PPARA: variants seen among roughly 807,000 people sequenced by gnomAD.
PPARA encodes the protein peroxisome proliferator-activated receptor alpha.
PPARA carries 22 observed loss-of-function variants against 42.2 expected under a neutral mutation model. That is an observed-to-expected ratio of 0.52 (90% CI 0.37 to 0.74). PPARA has a LOEUF of 0.74. Ranked by LOEUF, PPARA falls within the 30% of genes least tolerant of loss-of-function variation. PPARA has a pLI of 0.00. For missense variants in PPARA, 465 were observed against 608.2 expected (o/e 0.76, Z 2.48); for synonymous variants, 242 against 239.3 (o/e 1.01, Z -0.10).
intron 3 of PPARA, among the ~76,000 whole-genome samples, chr22:46,181,777 A>G (rs756995418): frequency 3.3e-5 from 5 of 152,190 alleles, no homozygotes; most frequent in Non-Finnish European, 1.5e-5. Flanking sequence ...CAGTCTAGAC[A>G]TGCCCCAAAT....
At chr22:46,169,797 A>G (rs1927704024) in intron 2 of PPARA, among the ~76,000 whole-genome samples, 1 of 152,054 alleles carries the variant, frequency 6.6e-6, no homozygotes. Flanking sequence ...TACTATGTTC[A>G]TGGAAGGGAC....
In PPARA at chr22:46,216,396, A is replaced by AGG. The variant is rs1291947654; in HGVS notation, c.369+1063_369+1064insGG. ...AAAACTTCATCTCAAAAAAAAAAAAAAGAGAGAAAAGAAAATAAGCCACAT... is the reference window on the plus strand; with the variant it reads ...AAAACTTCATCTCAAAAAAAAAAAAAGGAGAGAGAAAAGAAAATAAGCCACAT... On this transcript the variant is annotated intron_variant, in intron 5 of 8. Coordinates refer to ENST00000407236, the MANE Select transcript of PPARA (RefSeq NM_005036.6). This position sits in a 1 kb window ranked among gnomAD's most constrained non-coding sequence, Gnocchi z 4.5. Among the ~76,000 whole-genome samples, 4 of 151,692 alleles carry AGG rather than the reference A, an allele frequency of 2.6e-5. No individual in the cohort carries two copies. Among genetic ancestry groups the AGG allele is most frequent in the African/African-American group, 9.7e-5 (4 of 41,196 alleles).
chr22:46,175,579 T>G (rs1404429982), intron 2 of PPARA, among the ~76,000 whole-genome samples: 3 of 152,038 alleles, frequency 2.0e-5, no homozygotes, highest in African/African-American at 7.2e-5. Flanking sequence ...CCAAGCGTGG[T>G]GGCGGGCGCC....
In PPARA at chr22:46,242,346, A is replaced by G. The variant is rs1250415494; in HGVS notation, c.*6966A>G. On this transcript the variant is annotated 3_prime_UTR_variant, in exon 9 of 9. Coordinates refer to ENST00000407236, the MANE Select transcript of PPARA (RefSeq NM_005036.6). This position sits in a 1 kb window ranked among gnomAD's most constrained non-coding sequence, Gnocchi z 6.1. The stretch of plus-strand genomic sequence containing the variant: ...AGTGACTGGCCGATCATTTCACAAT[A>G]AAATCACTCACTTTTGGCAACTTCA... The G allele has an allele frequency of 6.6e-6, 1 of 152,646 alleles. No individual in the cohort carries two copies. Among genetic ancestry groups the G allele is most frequent in the East Asian group, 1.9e-4 (1 of 5,190 alleles). 9.5% of individuals were successfully genotyped at this position (152,646 alleles called of 1,614,324 possible).
In PPARA at chr22:46,163,748, G is replaced by T. The variant is rs1033557042; in HGVS notation, c.-127+11778G>T. 3 of 152,244 alleles carry T rather than the reference G, an allele frequency of 2.0e-5. No individual in the cohort carries two copies. Among genetic ancestry groups the T allele is most frequent in the African/African-American group, 7.2e-5 (3 of 41,452 alleles). The allele number at this position is 152,244 out of a possible 1,614,324, so 9.4% of individuals were successfully genotyped here. On this transcript the variant is annotated intron_variant, in intron 2 of 8. Transcript: ENST00000407236. This position sits in a 1 kb window ranked among gnomAD's most constrained non-coding sequence, Gnocchi z 4.9. Reference sequence around the variant, plus strand: ...GGGCTCCTGGGCCCCGCTGCATCAAGTGAAAGCAGGGCTGGCTCCCTGATG... The same window carrying T: ...GGGCTCCTGGGCCCCGCTGCATCAATTGAAAGCAGGGCTGGCTCCCTGATG...
chr22:46,240,594 A>G lies in PPARA; in HGVS notation c.*5214A>G, dbSNP rs1361301870. 1.0e-5 allele frequency: 2 copies of G among 200,582 alleles called. No individual in the cohort carries two copies. Among genetic ancestry groups the G allele is most frequent in the Non-Finnish European group, 2.0e-5 (2 of 100,312 alleles). The allele number at this position is 200,582 out of a possible 1,614,324, so 12.4% of individuals were successfully genotyped here. On this transcript the variant is annotated 3_prime_UTR_variant, in exon 9 of 9. Transcript: ENST00000407236. The surrounding 1 kb of genome is among the most constrained non-coding windows in gnomAD (Gnocchi z 6.0). ...GAGGCAAGAAAATTATGCTGTCCAT[A>G]GAAGTCACCCATGAAGACTGATGCC... is the stretch of plus-strand genomic sequence containing the variant.
rs73886769 is a variant in PPARA, at chr22:46,239,779, G to A, written c.*4399G>A. ...CACCAAAGCAAGCCCTGATGAAACCGCGACTTCCTAAGGTCTGTCTCCTCT... is the reference window on the plus strand; with the variant it reads ...CACCAAAGCAAGCCCTGATGAAACCACGACTTCCTAAGGTCTGTCTCCTCT... On this transcript the variant is annotated 3_prime_UTR_variant, in exon 9 of 9. Coordinates refer to ENST00000407236, the MANE Select transcript of PPARA (RefSeq NM_005036.6). The A allele has an allele frequency of 0.012, 1,861 of 160,598 alleles. 34 individuals carry two copies. Among genetic ancestry groups the A allele is most frequent in the African/African-American group, 0.041 (1,708 of 41,470 alleles). The allele number at this position is 160,598 out of a possible 1,614,324, so 9.9% of individuals were successfully genotyped here. A position where few individuals can be genotyped will look rare whatever the true frequency, so the allele number is the denominator to read the frequency against.
rs552074322 is a variant in PPARA, at chr22:46,209,206, C to T, written c.209-5967C>T. Among the ~76,000 whole-genome samples the T allele has an allele frequency of 2.1e-3, 318 of 152,270 alleles. 1 individual carries two copies. Among genetic ancestry groups the T allele is most frequent in the African/African-American group, 7.4e-3 (309 of 41,556 alleles). On this transcript the variant is annotated intron_variant, in intron 4 of 8. Transcript: ENST00000407236. ...GTGGACATGGGTTCTTTTTTCTCTA[C>T]ATGCTTGCCAACCACTTGTTATCTT...
intron 6 of PPARA, among the ~76,000 whole-genome samples, chr22:46,218,835 CAAAA>C (rs749022835): frequency 2.9e-5 from 2 of 69,310 alleles, no homozygotes; most frequent in Non-Finnish European, 5.8e-5. Context: ...TTCCGTCTCA[CAAAA>C]AAAAAAAAAA....
chr22:46,213,466 G>A (rs908866529), intron 4 of PPARA, among the ~76,000 whole-genome samples: 3 of 149,258 alleles, frequency 2.0e-5, no homozygotes, highest in African/African-American at 7.4e-5. Flanking sequence ...GGAGTGCAGT[G>A]GCACAATCTC....
At chr22:46,218,143 C>G in intron 5 of PPARA, 120 bp from the exon 6 acceptor site, 2 of 1,350,836 alleles carry the variant, frequency 1.5e-6, no homozygotes, top group Non-Finnish European at 2.1e-6. Flanking sequence ...AATAACTTTT[C>G]TCTAAATTTT....
At chr22:46,155,017 A>C (rs1458890202) in intron 2 of PPARA, 5 of 144,884 alleles carry the variant, frequency 3.5e-5, no homozygotes, top group African/African-American at 5.2e-5. Flanking sequence ...AAAAAAAAAA[A>C]AAAAAAAAAA....
chr22:46,207,043 T>TG (rs2147466843), intron 4 of PPARA, among the ~76,000 whole-genome samples: 1 of 151,920 alleles, frequency 6.6e-6, no homozygotes, highest in African/African-American at 2.4e-5. Context: ...ACCAATAAGG[T>TG]GAAACCCTGT....
Position 46,232,736 on chromosome 22 carries a change from G to GAAA in PPARA, c.1159+498_1159+499insAAA, listed in dbSNP as rs755429659. Among the ~76,000 whole-genome samples the GAAA allele has an allele frequency of 2.1e-4, 32 of 151,470 alleles. No individual in the cohort carries two copies. The highest frequency in any genetic ancestry group is 1.8e-4 in the Non-Finnish European group (12 of 67,924). On this transcript the variant is annotated intron_variant, in intron 8 of 8. Coordinates refer to ENST00000407236, the MANE Select transcript of PPARA (RefSeq NM_005036.6). This position sits in a 1 kb window ranked among gnomAD's most constrained non-coding sequence, Gnocchi z 5.3. ...TGGGCCTGTAATCCCAGCCCTTTGG[G>GAAA]AGGCTGAGGTGGGTGGATCACTTGA...
Position 46,224,964 on chromosome 22 carries a change from A to G in PPARA, c.711+4950A>G, listed in dbSNP as rs1425632243. Among the ~76,000 whole-genome samples, 1 of 68,730 alleles carries G rather than the reference A, an allele frequency of 1.5e-5. No homozygotes were observed. The highest frequency in any genetic ancestry group is 3.2e-5 in the Non-Finnish European group (1 of 31,722). The allele number at this position is 68,730 out of a possible 152,430, so 45.1% of individuals were successfully genotyped here. On this transcript the variant is annotated intron_variant, in intron 7 of 8. Transcript: ENST00000407236. The surrounding 1 kb of genome is among the most constrained non-coding windows in gnomAD (Gnocchi z 5.7). ...CCCCATGGCTGAGCTGGAACAGGCTAGAATGCTGGGGGGGGGCCTGAAACC... is the reference window on the plus strand; with the variant it reads ...CCCCATGGCTGAGCTGGAACAGGCTGGAATGCTGGGGGGGGGCCTGAAACC...
At chr22:46,228,741 A>C (rs1935651544) in intron 7 of PPARA, among the ~76,000 whole-genome samples, 1 of 152,152 alleles carries the variant, frequency 6.6e-6, no homozygotes, top group African/African-American at 2.4e-5. Context: ...CATGTTAAAG[A>C]CTCAGCTAGG....
At chr22:46,152,187 G>A (rs1924549457) in intron 2 of PPARA, among the ~76,000 whole-genome samples, 1 of 139,462 alleles carries the variant, frequency 7.2e-6, no homozygotes, top group Admixed American at 7.8e-5. Context: ...CGCCCAGGCT[G>A]GAGTGCAGTG....
Position 46,187,636 on chromosome 22 carries a change from T to C in PPARA, c.-42-10706T>C, listed in dbSNP as rs146199545. ...AAATCTGATCACGTCACACTTCCCT[T>C]CAATAGTCTTCCATGGCTCCTTATT... On this transcript the variant is annotated intron_variant, in intron 3 of 8. Coordinates refer to ENST00000407236, the MANE Select transcript of PPARA (RefSeq NM_005036.6). This position sits in a 1 kb window ranked among gnomAD's most constrained non-coding sequence, Gnocchi z 4.9. Among the ~76,000 whole-genome samples, 1,021 of 152,316 alleles carry C rather than the reference T, an allele frequency of 6.7e-3. 15 individuals are homozygous for C. The highest frequency in any genetic ancestry group is 0.024 in the African/African-American group (983 of 41,566).
In PPARA at chr22:46,232,026, G is replaced by A; in HGVS notation, c.946G>A (p.Ala316Thr). 2.5e-6 allele frequency: 4 copies of A among 1,614,218 alleles called. No individual in the cohort carries two copies. Among genetic ancestry groups the A allele is most frequent in the Non-Finnish European group, 3.4e-6 (4 of 1,180,040 alleles). Residue 316 changes from alanine (A) to threonine (T), a missense_variant, in exon 8 of 9, where the codon GCC becomes ACC. Physicochemically the swap from Ala to Thr is moderately conservative, Grantham distance 58. Transcript: ENST00000407236. The surrounding 1 kb of genome is among the most constrained non-coding windows in gnomAD (Gnocchi z 5.3). ...VTLLKYGVYE[A>T]IFAMLSSVMN... is the part of the protein sequence containing the mutation. ...ATTGCTAAAATACGGAGTTTATGAG[G>A]CCATATTCGCCATGCTGTCTTCTGT...
Sources: allele counts gnomAD v4.1 joint callset (sites outside exome capture counted in the v4.1 genomes callset), GRCh38; gene constraint gnomAD v4.1.1; non-coding constraint Gnocchi (gnomAD v3.1); transcripts MANE v1.5; gene names NCBI Gene and HGNC (gene_info 2026-07-23, HGNC 2026-07-21).